The following MTOR variants were observed in gnomAD, a reference collection of about 807,000 sequenced individuals.
The protein encoded by MTOR is mechanistic target of rapamycin kinase, also known as serine/threonine-protein kinase mTOR.
Under a neutral mutation model 319.8 loss-of-function variants are expected in MTOR, and 70 were observed. The ratio of observed to expected loss-of-function variants is 0.22; its 90% CI spans 0.18 to 0.27. The LOEUF (loss-of-function observed/expected upper bound fraction) is 0.27. Among genes scored for constraint, MTOR ranks in the 10% least tolerant of loss-of-function variants. MTOR has a pLI of 1.00. For missense variants in MTOR, 1,890 were observed against 3,274.4 expected (o/e 0.58, Z 10.32); for synonymous variants, 1,183 against 1,211.4 (o/e 0.98, Z 0.49).
intron 19 of MTOR, among the ~76,000 whole-genome samples, chr1:11,220,338 G>A (rs1011709004): frequency 1.3e-5 from 2 of 152,150 alleles, no homozygotes; most frequent in Admixed American, 1.3e-4. Context: ...CGTATCTACA[G>A]TTGTAGGAGA....
In MTOR at chr1:11,226,460, G is replaced by A. The variant is rs535433261; in HGVS notation, c.3030+2208C>T. ...AACAGCAGTCCCATTAAAATCAGGA[G>A]CAAGGTTATAGATTTCCACTATCAC... On this transcript the variant is annotated intron_variant, in intron 19 of 57. Transcript: ENST00000361445. 3.3e-5 allele frequency: 5 copies of A among 152,234 alleles called. No individual in the cohort carries two copies. In the East Asian group the frequency reaches 5.8e-4, roughly 18 times the overall value. The allele number at this position is 152,234 out of a possible 1,614,324, so 9.4% of individuals were successfully genotyped here.
At chr1:11,111,831 C>T (rs1374568676) in intron 54 of MTOR, 2 of 152,022 alleles carry the variant, frequency 1.3e-5, no homozygotes, top group Admixed American at 6.6e-5. Flanking sequence ...TACTTTTTTA[C>T]ACCCTAACAG....
chr1:11,128,456 G>A lies in MTOR; in HGVS notation c.5908C>T (p.Gln1970Ter). Residue 1970 changes from glutamine to a stop codon, truncating the protein, a stop_gained and splice_region_variant, in exon 42 of 58, where the codon CAG (glutamine) becomes TAG (stop). Coordinates refer to ENST00000361445, the MANE Select transcript of MTOR (RefSeq NM_004958.4). LOFTEE classifies it high-confidence loss of function. This position sits in a 1 kb window ranked among gnomAD's most constrained non-coding sequence, Gnocchi z 5.3. ...LLTDIGRYHP[Q>*]ALIYPLTVAS... is the part of the protein sequence containing the mutation. ...AACTGCCCAGAGTCTCCACATACCT[G>A]GGGGTGGTACCGACCAATGTCTGTG... 1 of 1,613,648 alleles carries A rather than the reference G, an allele frequency of 6.2e-7. No individual in the cohort carries two copies. The highest frequency in any genetic ancestry group is 8.5e-7 in the Non-Finnish European group (1 of 1,179,568).
At chr1:11,139,256 G>A (rs755455870) in intron 36 of MTOR, 48 bp downstream of exon 36, 114 of 1,554,832 alleles carry the variant, frequency 7.3e-5, no homozygotes, top group Admixed American at 2.8e-4. Flanking sequence ...CAGATTAGGC[G>A]AGCATTCTGG....
At chr1:11,248,164 TACAG>T in intron 6 of MTOR, 70 bp from the exon 7 acceptor site, 11 of 1,446,318 alleles carry the variant, frequency 7.6e-6, no homozygotes, top group Admixed American at 2.2e-5. Flanking sequence ...CTGTGGATTC[TACAG>T]ACAATTACAT....
intron 16 of MTOR, 78 bp downstream of exon 16, chr1:11,232,358 A>G: frequency 9.5e-7 from 1 of 1,052,348 alleles, no homozygotes; most frequent in Middle Eastern, 2.1e-4. Flanking sequence ...GGGTGAGGAC[A>G]CTAAGGTGAA....
intron 47 of MTOR, among the ~76,000 whole-genome samples, chr1:11,123,856 T>C (rs1459739066): frequency 6.6e-6 from 1 of 152,036 alleles, no homozygotes; most frequent in South Asian, 2.1e-4. Context: ...GGTGCAATCT[T>C]GGCTCACTGC....
rs2100412545 is a variant in MTOR, at chr1:11,128,000, C to A, written c.6033+4G>T. ...TATGAAGCCCCACAGTGGCTCCGAC[C>A]CACCATCATGGCCTGCTGGACCAGG... On this transcript the variant is annotated splice_donor_region_variant and intron_variant, in intron 43 of 57. Transcript: ENST00000361445. This position sits in a 1 kb window ranked among gnomAD's most constrained non-coding sequence, Gnocchi z 5.5. 1 of 1,613,692 alleles carries A rather than the reference C, an allele frequency of 6.2e-7. No homozygotes were observed. The highest frequency in any genetic ancestry group is 8.5e-7 in the Non-Finnish European group (1 of 1,179,998).
intron 31 of MTOR, among the ~76,000 whole-genome samples, chr1:11,149,818 T>C (rs941315331): frequency 3.9e-5 from 6 of 152,180 alleles, no homozygotes; most frequent in African/African-American, 1.4e-4. Context: ...GGGAAAAGCA[T>C]CTGGCATCAG....
At chr1:11,159,039 C>T (rs1282504160) in intron 29 of MTOR, among the ~76,000 whole-genome samples, 1 of 152,138 alleles carries the variant, frequency 6.6e-6, no homozygotes, top group Non-Finnish European at 1.5e-5. Context: ...TAATGGCCAC[C>T]TTTGGAACCT....
Position 11,121,882 on chromosome 1 carries a change from T to C in MTOR, c.6810+97A>G, listed in dbSNP as rs1399008749. On this transcript the variant is annotated intron_variant, in intron 48 of 57. Coordinates refer to ENST00000361445, the MANE Select transcript of MTOR (RefSeq NM_004958.4). The surrounding 1 kb of genome is among the most constrained non-coding windows in gnomAD (Gnocchi z 4.9). ...CAAAGCTGATTCTCTCAAAGAGATT[T>C]TTCAGTGACAGACATACAGAGAGGA... 6.8e-7 allele frequency: 1 copy of C among 1,476,578 alleles called. No individual in the cohort carries two copies. The highest frequency in any genetic ancestry group is 9.1e-7 in the Non-Finnish European group (1 of 1,093,030). 91.5% of individuals were successfully genotyped at this position (1,476,578 alleles called of 1,614,324 possible).
chr1:11,177,048 G>A (rs1246692293), intron 28 of MTOR, among the ~76,000 whole-genome samples: 2 of 152,162 alleles, frequency 1.3e-5, no homozygotes, highest in African/African-American at 4.8e-5. Context: ...GGGAAGTGAA[G>A]GGAAACAAAG....
intron 34 of MTOR, among the ~76,000 whole-genome samples, chr1:11,142,483 A>AGG (rs1643760757): frequency 6.6e-6 from 1 of 151,342 alleles, no homozygotes; most frequent in Non-Finnish European, 1.5e-5. Context: ...TTTAGCAGAG[A>AGG]GGGGGTTTCT....
In MTOR at chr1:11,204,771, A is replaced by C. The variant is rs2273127; in HGVS notation, c.3802-68T>G. On this transcript the variant is annotated intron_variant, in intron 25 of 57. Transcript: ENST00000361445. ...GGCCAATTGAAAAAAGTCCTCATCTATTTAATGATTATTCTACTTTTAGAT... is the reference window on the plus strand; with the variant it reads ...GGCCAATTGAAAAAAGTCCTCATCTCTTTAATGATTATTCTACTTTTAGAT... 0.036 allele frequency: 54,118 copies of C among 1,493,360 alleles called. 1,733 individuals carry two copies. Among genetic ancestry groups the C allele is most frequent in the South Asian group, 0.11 (9,118 of 81,902 alleles). The allele number at this position is 1,493,360 out of a possible 1,614,324, so 92.5% of individuals were successfully genotyped here. A position where few individuals can be genotyped will look rare whatever the true frequency, so the allele number is the denominator to read the frequency against.
At chr1:11,135,274 T>C (rs994278975) in intron 36 of MTOR, among the ~76,000 whole-genome samples, 4 of 151,924 alleles carry the variant, frequency 2.6e-5, no homozygotes, top group South Asian at 2.1e-4. Flanking sequence ...CTGGTTTTTC[T>C]AGAGGGGGGA....
At chr1:11,141,218 C>A in intron 34 of MTOR, among the ~76,000 whole-genome samples, 1 of 152,070 alleles carries the variant, frequency 6.6e-6, no homozygotes, top group Non-Finnish European at 1.5e-5. Flanking sequence ...CAGGTTCAAG[C>A]GATCCTCCCG....
At chr1:11,240,585 C>T (rs1248089302) in intron 10 of MTOR, 38 bp from the exon 11 acceptor site, 1 of 1,597,404 alleles carries the variant, frequency 6.3e-7, no homozygotes, top group Non-Finnish European at 8.5e-7. Flanking sequence ...GGGCTGGGCA[C>T]ATGACACTCA....
Position 11,126,972 on chromosome 1 carries a change from A to G in MTOR, c.6351+38T>C, listed in dbSNP as rs200982079. 63 of 1,611,860 alleles carry G rather than the reference A, an allele frequency of 3.9e-5. No individual in the cohort carries two copies. The Admixed American group carries it at 1.0e-3, about 26-fold the overall frequency. ...TAGACAGTAAAACAGAAAGGACTAT[A>G]ATGACAGTTAACCCTGCCAGGAGCC... On this transcript the variant is annotated intron_variant, in intron 45 of 57. Transcript: ENST00000361445.
At chr1:11,122,669 G>A (rs1474331970) in intron 47 of MTOR, among the ~76,000 whole-genome samples, 4 of 151,728 alleles carry the variant, frequency 2.6e-5, no homozygotes, top group African/African-American at 4.8e-5. Flanking sequence ...CACCACACCC[G>A]GCTAATTTTT....
Sources: allele counts gnomAD v4.1 joint callset (sites outside exome capture counted in the v4.1 genomes callset), GRCh38; gene constraint gnomAD v4.1.1; non-coding constraint Gnocchi (gnomAD v3.1); transcripts MANE v1.5; gene names NCBI Gene and HGNC (gene_info 2026-07-23, HGNC 2026-07-21).